UBXN2A: variants seen among roughly 807,000 people sequenced by gnomAD.
UBXN2A encodes the protein UBX domain protein 2A, also known as UBX domain-containing protein 2A.
In UBXN2A, 28 loss-of-function variants were observed where a neutral mutation model predicts 28.4. That is an observed-to-expected ratio of 0.99 (90% confidence interval 0.73 to 1.35). The LOEUF is 1.35. Ranked by LOEUF, UBXN2A falls within the 40% of genes most tolerant of loss-of-function variation. The probability of loss-of-function intolerance (pLI) is 0.00; values close to 1 mark genes in which losing one functional copy is unlikely to be tolerated. For synonymous variants in UBXN2A, 97 were observed against 103.6 expected (o/e 0.94, Z 0.39); for missense variants, 253 against 297.9 (o/e 0.85, Z 1.11).
intron 1 of UBXN2A, among the ~76,000 whole-genome samples, chr2:23,954,030 A>G (rs1415187151): frequency 2.6e-5 from 4 of 151,866 alleles, no homozygotes; most frequent in Admixed American, 2.0e-4. Context: ...TTTTTGTTTT[A>G]AGACTGAGTT....
intron 6 of UBXN2A, among the ~76,000 whole-genome samples, chr2:23,987,009 C>T (rs1214245882): frequency 2.6e-5 from 4 of 151,916 alleles, no homozygotes; most frequent in Non-Finnish European, 5.9e-5. Context: ...GGGAGAATCA[C>T]CTGAGCCCCG....
rs1385589007 is a variant in UBXN2A at position 23,993,767 on chromosome 2, G to A, written c.585-5905G>A. Among the ~76,000 whole-genome samples, 14 of 149,310 alleles carry A rather than the reference G, an allele frequency of 9.4e-5. No individual in the cohort carries two copies. The East Asian group carries it at 2.8e-3, about 30-fold the overall frequency. On this transcript the variant is annotated intron_variant, in intron 6 of 6. Coordinates refer to ENST00000309033, the MANE Select transcript of UBXN2A (RefSeq NM_181713.4). The stretch of plus-strand genomic sequence containing the variant: ...CAGCGGAGTGATCTCAGCACACTGC[G>A]ACCTCTGCCTCCCTGGTTCAAGCAA...
chr2:23,991,635 A>G (rs1708357448), intron 6 of UBXN2A, among the ~76,000 whole-genome samples: 1 of 151,440 alleles, frequency 6.6e-6, no homozygotes, highest in South Asian at 2.1e-4. Flanking sequence ...ACACCTGGCT[A>G]ATTTTTTTTG....
At chr2:23,982,250 C>T (rs1707941020) in intron 4 of UBXN2A, among the ~76,000 whole-genome samples, 1 of 151,876 alleles carries the variant, frequency 6.6e-6, no homozygotes, top group Admixed American at 6.6e-5. Flanking sequence ...GCCTGTAGTC[C>T]CAGCTACTTA....
chr2:23,984,996 G>T (rs1001528159), intron 6 of UBXN2A, among the ~76,000 whole-genome samples, 165 bp downstream of exon 6: 1 of 152,110 alleles, frequency 6.6e-6, no homozygotes, highest in African/African-American at 2.4e-5. Context: ...TGAAGTCCTG[G>T]ATTCAAGCAA....
At chr2:23,935,026 G>C (rs960565048) in intron 1 of UBXN2A, among the ~76,000 whole-genome samples, 1 of 152,120 alleles carries the variant, frequency 6.6e-6, no homozygotes, top group Non-Finnish European at 1.5e-5. Context: ...AGTGAGCCGA[G>C]ATCGCACCAC....
chr2:23,945,810 T>C (rs1706046676), intron 1 of UBXN2A, among the ~76,000 whole-genome samples: 1 of 151,964 alleles, frequency 6.6e-6, no homozygotes, highest in East Asian at 1.9e-4. Context: ...ATTATGCATT[T>C]AATTCTTTTT....
intron 3 of UBXN2A, among the ~76,000 whole-genome samples, 190 bp from the exon 4 acceptor site, chr2:23,976,779 C>T (rs953822956): frequency 6.6e-6 from 1 of 152,108 alleles, no homozygotes; most frequent in African/African-American, 2.4e-5. Flanking sequence ...CTGGGTCTCG[C>T]TATGTTGCCA....
chr2:23,970,962 A>G (rs1025399912), intron 2 of UBXN2A, among the ~76,000 whole-genome samples: 1 of 152,138 alleles, frequency 6.6e-6, no homozygotes, highest in African/African-American at 2.4e-5. Context: ...CCTGTCACTC[A>G]CCACCTGCTG....
chr2:23,985,723 C>T (rs1048681175), intron 6 of UBXN2A, among the ~76,000 whole-genome samples: 7 of 151,910 alleles, frequency 4.6e-5, no homozygotes, highest in Non-Finnish European at 8.8e-5. Flanking sequence ...AGGCCAGGTG[C>T]AATGGCCCAT....
intron 1 of UBXN2A, chr2:23,944,431 C>G (rs1293563379): frequency 4.2e-6 from 4 of 963,248 alleles, no homozygotes; most frequent in South Asian, 1.3e-5. Flanking sequence ...TATCTCCACC[C>G]TGGGAAAAGT....
In UBXN2A at chr2:23,999,968, T is replaced by C. The variant is rs1230062201; in HGVS notation, c.*101T>C. 8.3e-7 allele frequency: 1 copy of C among 1,200,268 alleles called. No homozygotes were observed. The highest frequency in any genetic ancestry group is 1.5e-5 in the African/African-American group (1 of 65,044). The allele number at this position is 1,200,268 out of a possible 1,614,324, so 74.4% of individuals were successfully genotyped here. A position where few individuals can be genotyped will look rare whatever the true frequency, so the allele number is the denominator to read the frequency against. ...GGAGAAGTCAGACTCACTAGACTTTTGGTTCGAGTACTATTGAACTCTCTC... is the reference window on the plus strand; with the variant it reads ...GGAGAAGTCAGACTCACTAGACTTTCGGTTCGAGTACTATTGAACTCTCTC... On this transcript the variant is annotated 3_prime_UTR_variant, in exon 7 of 7. Transcript: ENST00000309033.
intron 5 of UBXN2A, 136 bp downstream of exon 5, chr2:23,983,169 A>T: frequency 9.3e-7 from 1 of 1,070,402 alleles, no homozygotes; most frequent in Non-Finnish European, 1.2e-6. Flanking sequence ...TTTTAATGTT[A>T]ATTTTTATGA....
chr2:23,959,242 A>C (rs1342916483), intron 2 of UBXN2A, among the ~76,000 whole-genome samples: 2 of 152,198 alleles, frequency 1.3e-5, no homozygotes, highest in Non-Finnish European at 2.9e-5. Context: ...CTGTAATCTC[A>C]GCACTTTGGG....
At chr2:23,929,700 A>G (rs1372310915) in intron 1 of UBXN2A, among the ~76,000 whole-genome samples, 1 of 151,680 alleles carries the variant, frequency 6.6e-6, no homozygotes, top group Non-Finnish European at 1.5e-5. Context: ...GCAACAGTGC[A>G]AAACTCCATC....
intron 2 of UBXN2A, among the ~76,000 whole-genome samples, chr2:23,966,613 T>A (rs1482513807): frequency 6.9e-6 from 1 of 145,472 alleles, no homozygotes; most frequent in Non-Finnish European, 1.5e-5. Flanking sequence ...CCACCACACC[T>A]GGCTAATTTT....
At chr2:23,995,722 A>C (rs1372697644) in intron 6 of UBXN2A, among the ~76,000 whole-genome samples, 1 of 151,770 alleles carries the variant, frequency 6.6e-6, no homozygotes, top group Non-Finnish European at 1.5e-5. Flanking sequence ...AAAAAAAAAG[A>C]AAATGCATTT....
upstream of UBXN2A, among the ~76,000 whole-genome samples, chr2:23,938,440 T>C (rs999959044): frequency 1.3e-5 from 2 of 151,742 alleles, no homozygotes; most frequent in Non-Finnish European, 2.9e-5. Flanking sequence ...CACTCCAGCC[T>C]GGGCAACAAG....
intron 6 of UBXN2A, among the ~76,000 whole-genome samples, chr2:23,998,490 C>T (rs1708624388): frequency 1.3e-5 from 2 of 152,036 alleles, no homozygotes; most frequent in South Asian, 2.1e-4. Flanking sequence ...GAGGCTTAAG[C>T]GGGTGGATCA....
Sources: allele counts gnomAD v4.1 joint callset (sites outside exome capture counted in the v4.1 genomes callset), GRCh38; gene constraint gnomAD v4.1.1; transcripts MANE v1.5; gene names NCBI Gene and HGNC (gene_info 2026-07-23, HGNC 2026-07-21).